INPP4B: variants seen among roughly 807,000 people sequenced by gnomAD.
INPP4B encodes the protein inositol polyphosphate-4-phosphatase type II B, also known as inositol polyphosphate 4-phosphatase type II.
A neutral mutation model predicts 122.5 loss-of-function variants in INPP4B; 55 were observed. That is an observed-to-expected ratio of 0.45 (90% CI 0.36 to 0.56). The LOEUF (loss-of-function observed/expected upper bound fraction) is 0.56. Ranked by LOEUF, INPP4B falls within the 20% of genes least tolerant of loss-of-function variation. The probability of loss-of-function intolerance (pLI) is 0.00; values close to 1 mark genes in which losing one functional copy is unlikely to be tolerated. For missense variants in INPP4B, 1,000 were observed against 1,097.7 expected (o/e 0.91, Z 1.26); for synonymous variants, 403 against 388.7 (o/e 1.04, Z -0.43).
At chr4:142,582,046 G>T (rs903578439) in intron 2 of INPP4B, among the ~76,000 whole-genome samples, 8 of 152,016 alleles carry the variant, frequency 5.3e-5, no homozygotes, top group African/African-American at 1.7e-4. Flanking sequence ...TAGCAATTTG[G>T]CATGCACATG....
At chr4:142,097,920 C>G (rs1159098063) in intron 23 of INPP4B, among the ~76,000 whole-genome samples, 2 of 152,138 alleles carry the variant, frequency 1.3e-5, no homozygotes, top group Non-Finnish European at 2.9e-5. Flanking sequence ...AAACAACGTG[C>G]TAGTCCTCCT....
intron 1 of INPP4B, among the ~76,000 whole-genome samples, chr4:142,737,418 G>A (rs1293692251): frequency 6.6e-6 from 1 of 152,098 alleles, no homozygotes; most frequent in African/African-American, 2.4e-5. Context: ...TATGTAGAAA[G>A]CTGAAACTGG....
At chr4:142,572,685 A>G (rs942916628) in intron 2 of INPP4B, among the ~76,000 whole-genome samples, 10 of 152,144 alleles carry the variant, frequency 6.6e-5, no homozygotes, top group African/African-American at 2.4e-4. Flanking sequence ...TAATAAGTTA[A>G]TGATGTCTTA....
chr4:142,836,177 TC>T (rs2151196906), intron 1 of INPP4B, among the ~76,000 whole-genome samples: 1 of 152,260 alleles, frequency 6.6e-6, no homozygotes, highest in Non-Finnish European at 1.5e-5. Context: ...CAATGAAACT[TC>T]AATTGAAATC....
intron 2 of INPP4B, among the ~76,000 whole-genome samples, chr4:142,505,733 G>A (rs950219534): frequency 1.3e-5 from 2 of 152,224 alleles, no homozygotes; most frequent in Admixed American, 1.3e-4. Context: ...AAGCATAAGT[G>A]ATTGGAAACC....
intron 2 of INPP4B, among the ~76,000 whole-genome samples, chr4:142,554,547 G>C (rs1451320162): frequency 6.6e-6 from 1 of 152,120 alleles, no homozygotes; most frequent in Non-Finnish European, 1.5e-5. Context: ...TTAACTACTG[G>C]ACAAGGTACT....
intron 2 of INPP4B, among the ~76,000 whole-genome samples, chr4:142,644,771 G>A (rs1489100259): frequency 7.2e-6 from 1 of 139,608 alleles, no homozygotes; most frequent in Non-Finnish European, 1.5e-5. Context: ...AAAAAAATTG[G>A]CACAGTGTAG....
intron 24 of INPP4B, among the ~76,000 whole-genome samples, chr4:142,085,479 A>T (rs1444682939): frequency 6.6e-6 from 1 of 152,212 alleles, no homozygotes; most frequent in African/African-American, 2.4e-5. Context: ...AACACAATTC[A>T]TAAATTTCAT....
At chr4:142,246,782 C>G (rs947961169) in intron 11 of INPP4B, among the ~76,000 whole-genome samples, 1 of 152,090 alleles carries the variant, frequency 6.6e-6, no homozygotes, top group African/African-American at 2.4e-5. Context: ...TCTGAATACC[C>G]TTTATTTCCT....
chr4:142,243,398 C>A (rs1041437301), intron 11 of INPP4B, among the ~76,000 whole-genome samples: 1 of 152,140 alleles, frequency 6.6e-6, no homozygotes. Flanking sequence ...TGTATTAGCA[C>A]ACAGTAATGA....
intron 12 of INPP4B, among the ~76,000 whole-genome samples, chr4:142,225,943 G>A (rs1402690709): frequency 6.6e-6 from 1 of 152,034 alleles, no homozygotes; most frequent in Non-Finnish European, 1.5e-5. Context: ...ATATAAAGGT[G>A]CACATGATAT....
chr4:142,556,716 A>T (rs1729270514), intron 2 of INPP4B, among the ~76,000 whole-genome samples: 1 of 152,190 alleles, frequency 6.6e-6, no homozygotes, highest in South Asian at 2.1e-4. Context: ...TAGGAAAAAA[A>T]ATGTTTTAAA....
At chr4:142,084,401 G>C (rs1775710999) in intron 24 of INPP4B, among the ~76,000 whole-genome samples, 1 of 152,076 alleles carries the variant, frequency 6.6e-6, no homozygotes, top group African/African-American at 2.4e-5. Context: ...TTACAGGTGT[G>C]AGCCACCACG....
Position 142,616,060 on chromosome 4 carries a change from A to G in INPP4B, c.-191+109779T>C, listed in dbSNP as rs545826720. On this transcript the variant is annotated intron_variant, in intron 2 of 25. Transcript: ENST00000262992. ...ACTCAGGTGTTAGATATTATTTTATAAATGATTCTATTTGGAAGCTAGATG... is the reference window on the plus strand; with the variant it reads ...ACTCAGGTGTTAGATATTATTTTATGAATGATTCTATTTGGAAGCTAGATG... Among the ~76,000 whole-genome samples the G allele has an allele frequency of 2.6e-5, 4 of 152,210 alleles. No individual in the cohort carries two copies. In the South Asian group the frequency reaches 8.3e-4, roughly 32 times the overall value.
intron 14 of INPP4B, among the ~76,000 whole-genome samples, chr4:142,208,034 A>AT: frequency 6.6e-6 from 1 of 152,240 alleles, no homozygotes; most frequent in Non-Finnish European, 1.5e-5. Flanking sequence ...TCAAAAAAAA[A>AT]CCTGGCATAT....
At chr4:142,595,418 C>T (rs575585614) in intron 2 of INPP4B, among the ~76,000 whole-genome samples, 1 of 152,056 alleles carries the variant, frequency 6.6e-6, no homozygotes, top group Non-Finnish European at 1.5e-5. Flanking sequence ...TACACCTGTC[C>T]TTGAAAATGG....
At chr4:142,739,158 A>G (rs1767525907) in intron 1 of INPP4B, among the ~76,000 whole-genome samples, 1 of 152,148 alleles carries the variant, frequency 6.6e-6, no homozygotes, top group South Asian at 2.1e-4. Context: ...ATGCAAAAGA[A>G]AATCAATCTT....
intron 4 of INPP4B, among the ~76,000 whole-genome samples, chr4:142,430,906 T>C (rs1434408486): frequency 6.6e-6 from 1 of 152,116 alleles, no homozygotes; most frequent in Non-Finnish European, 1.5e-5. Flanking sequence ...TAATATATAT[T>C]CAAGATATTT....
chr4:142,398,424 A>ATATC (rs1313492913), intron 7 of INPP4B, among the ~76,000 whole-genome samples: 8 of 112,608 alleles, frequency 7.1e-5, no homozygotes, highest in Non-Finnish European at 1.3e-4. Flanking sequence ...ATATATATAT[A>ATATC]TATATATATA....
Sources: allele counts gnomAD v4.1 joint callset (sites outside exome capture counted in the v4.1 genomes callset), GRCh38; gene constraint gnomAD v4.1.1; transcripts MANE v1.5; gene names NCBI Gene and HGNC (gene_info 2026-07-23, HGNC 2026-07-21).